Variants in NTRK2 observed in about 807,000 individuals in gnomAD.
The protein encoded by NTRK2 is BDNF/NT-3 growth factors receptor.
In NTRK2, 13 loss-of-function variants were observed where a neutral mutation model predicts 94.5. That is an observed-to-expected ratio of 0.14 (90% CI 0.09 to 0.22). NTRK2 has a LOEUF of 0.22. NTRK2 is among the 10% of genes least tolerant of loss of function. The pLI, the probability that NTRK2 is intolerant of heterozygous loss-of-function variation, is 1.00. For missense variants in NTRK2, 639 were observed against 1,071.2 expected (o/e 0.60, Z 5.63); for synonymous variants, 372 against 407.4 (o/e 0.91, Z 1.05).
chr9:85,013,842 G>A (rs1158222340), intron 17 of NTRK2, among the ~76,000 whole-genome samples: 1 of 152,172 alleles, frequency 6.6e-6, no homozygotes, highest in Non-Finnish European at 1.5e-5. Flanking sequence ...TAGGATGTTT[G>A]GCTTCCAAAT....
At chr9:84,811,030 C>T in intron 12 of NTRK2, 1 of 1,090,164 alleles carries the variant, frequency 9.2e-7, no homozygotes, top group Non-Finnish European at 1.1e-6. Flanking sequence ...ACTGAATAGT[C>T]TAATCTACAT....
intron 12 of NTRK2, among the ~76,000 whole-genome samples, chr9:84,771,967 C>T (rs1179371408): frequency 1.3e-5 from 2 of 152,080 alleles, no homozygotes; most frequent in Non-Finnish European, 2.9e-5. Context: ...GCCTTTGAGG[C>T]AAGATAGAGT....
intron 17 of NTRK2, among the ~76,000 whole-genome samples, chr9:85,010,988 GTA>G (rs1373530835): frequency 6.6e-6 from 1 of 152,154 alleles, no homozygotes; most frequent in Middle Eastern, 3.2e-3. Context: ...TTCTGCCCCT[GTA>G]TACACCTTAT....
At chr9:84,906,133 G>T (rs2077069193) in intron 14 of NTRK2, among the ~76,000 whole-genome samples, 1 of 152,176 alleles carries the variant, frequency 6.6e-6, no homozygotes, top group Admixed American at 6.5e-5. Flanking sequence ...ATGGAAGGGA[G>T]ATTTGGCTCT....
At chr9:84,881,121 A>C (rs1413434272) in intron 14 of NTRK2, among the ~76,000 whole-genome samples, 1 of 152,166 alleles carries the variant, frequency 6.6e-6, no homozygotes, top group Non-Finnish European at 1.5e-5. Flanking sequence ...CAAACAGAGA[A>C]TTTGATGAGT....
At chr9:84,802,787 G>C (rs929398353) in intron 12 of NTRK2, among the ~76,000 whole-genome samples, 3 of 152,188 alleles carry the variant, frequency 2.0e-5, no homozygotes, top group Non-Finnish European at 4.4e-5. Context: ...CACCTGCTAA[G>C]CTTAAGGAGT....
intron 12 of NTRK2, among the ~76,000 whole-genome samples, chr9:84,809,738 C>T (rs2071538200): frequency 6.6e-6 from 1 of 151,658 alleles, no homozygotes; most frequent in African/African-American, 2.4e-5. Flanking sequence ...AAAAATTAGC[C>T]GCGCGTGGTG....
chr9:84,721,389 G>T (rs2062055382), intron 6 of NTRK2, among the ~76,000 whole-genome samples: 3 of 151,966 alleles, frequency 2.0e-5, no homozygotes, highest in Admixed American at 1.3e-4. Context: ...TGTTGTTTAG[G>T]CTGGTCTCCA....
intron 14 of NTRK2, among the ~76,000 whole-genome samples, chr9:84,889,321 T>C (rs1268627317): frequency 6.6e-6 from 1 of 152,144 alleles, no homozygotes. Context: ...AAGTGGCTCT[T>C]TAAAAACGCT....
chr9:84,934,084 C>T (rs2132715522), intron 14 of NTRK2, 78 bp from the exon 15 acceptor site: 1 of 1,542,716 alleles, frequency 6.5e-7, no homozygotes, highest in Non-Finnish European at 8.9e-7. Context: ...AGCTCAGGTA[C>T]AGGCCACCAA....
At chr9:84,755,893 C>G (rs530653930) in intron 12 of NTRK2, among the ~76,000 whole-genome samples, 1 of 152,056 alleles carries the variant, frequency 6.6e-6, no homozygotes, top group Non-Finnish European at 1.5e-5. Flanking sequence ...GGCCCTGTTT[C>G]CATAAAGATG....
At chr9:84,786,946 G>T (rs2068175158) in intron 12 of NTRK2, among the ~76,000 whole-genome samples, 1 of 152,022 alleles carries the variant, frequency 6.6e-6, no homozygotes, top group Non-Finnish European at 1.5e-5. Flanking sequence ...CTGTTTCTCT[G>T]CTGGTTAGAC....
intron 12 of NTRK2, among the ~76,000 whole-genome samples, chr9:84,859,202 G>C (rs983483907): frequency 5.9e-5 from 9 of 152,190 alleles, no homozygotes; most frequent in African/African-American, 2.2e-4. Context: ...CACGATGGGA[G>C]GGGAATATTT....
In NTRK2 at chr9:84,675,434, A is replaced by G. The variant is rs1033526125; in HGVS notation, c.212+4474A>G. ...GGGAAAAAAACATTATCAAACCATT[A>G]TTGAATACCATAAACTGGCCTTATC... On this transcript the variant is annotated intron_variant, in intron 2 of 18. Transcript: ENST00000277120. Among the ~76,000 whole-genome samples, 5 of 144,918 alleles carry G rather than the reference A, an allele frequency of 3.5e-5. No individual in the cohort carries two copies. The East Asian group carries it at 8.3e-4, about 24-fold the overall frequency.
intron 15 of NTRK2, among the ~76,000 whole-genome samples, chr9:84,946,706 C>G (rs571252756): frequency 7.2e-4 from 109 of 152,318 alleles, no homozygotes; most frequent in African/African-American, 2.2e-3. Flanking sequence ...AATTCACCAG[C>G]TTAAACAACA....
At position 84,698,275 on chromosome 9, in the gene NTRK2, C is replaced by T. The variant is rs79470134; in HGVS notation, c.213-3884C>T. On this transcript the variant is annotated intron_variant, in intron 2 of 18. Transcript: ENST00000277120. ...TTTTGTGTATTTTTAAAAGTTCACACAGATTGTTTTATGTTACATGTACGT... is the reference window on the plus strand; with the variant it reads ...TTTTGTGTATTTTTAAAAGTTCACATAGATTGTTTTATGTTACATGTACGT... Among the ~76,000 whole-genome samples, 1,111 of 152,166 alleles carry T rather than the reference C, an allele frequency of 7.3e-3. 8 individuals carry two copies. The highest frequency in any genetic ancestry group is 0.025 in the African/African-American group (1,057 of 41,518).
chr9:84,869,899 C>A (rs2075763730), intron 14 of NTRK2, among the ~76,000 whole-genome samples: 1 of 151,642 alleles, frequency 6.6e-6, no homozygotes, highest in African/African-American at 2.4e-5. Context: ...AATATATTAG[C>A]CAATTTAAAC....
At chr9:84,944,822 G>A (rs1399886682) in intron 15 of NTRK2, among the ~76,000 whole-genome samples, 1 of 152,208 alleles carries the variant, frequency 6.6e-6, no homozygotes, top group Admixed American at 6.5e-5. Flanking sequence ...GACTGGTTGT[G>A]GTTTCAAATT....
chr9:84,930,299 G>T (rs988336206), intron 14 of NTRK2, among the ~76,000 whole-genome samples: 1 of 152,214 alleles, frequency 6.6e-6, no homozygotes, highest in African/African-American at 2.4e-5. Context: ...GCTTAGGCAG[G>T]TTACTGAGCC....
Sources: allele counts gnomAD v4.1 joint callset (sites outside exome capture counted in the v4.1 genomes callset), GRCh38; gene constraint gnomAD v4.1.1; transcripts MANE v1.5; gene names NCBI Gene and HGNC (gene_info 2026-07-23, HGNC 2026-07-21).